Variants in PRKAG3 observed in about 807,000 individuals in gnomAD.
PRKAG3 encodes 5'-AMP-activated protein kinase subunit gamma-3.
Under a neutral mutation model 56.5 loss-of-function variants are expected in PRKAG3, and 39 were observed. The ratio of observed to expected loss-of-function variants is 0.69; its 90% CI spans 0.53 to 0.90. PRKAG3 has a LOEUF of 0.90. PRKAG3 is among the 40% of genes least tolerant of loss of function. The probability of loss-of-function intolerance (pLI) is 0.00; values close to 1 mark genes in which losing one functional copy is unlikely to be tolerated. For missense variants in PRKAG3, 628 were observed against 627.5 expected, an observed-to-expected ratio of 1.00 and a Z score of -0.01; for synonymous variants, 243 against 250.1, an observed-to-expected ratio of 0.97 and a Z score of 0.27.
At chr2:218,824,994 T>C (rs556536262) in intron 10 of PRKAG3, among the ~76,000 whole-genome samples, 5 of 152,258 alleles carry the variant, frequency 3.3e-5, no homozygotes, top group African/African-American at 4.8e-5. Flanking sequence ...GGAGCTGTTA[T>C]AGATTTAAAG....
At position 218,830,861 on chromosome 2, in the gene PRKAG3, T is replaced by C. The variant is rs765018083; in HGVS notation, c.114A>G (p.Pro38=). The stretch of plus-strand genomic sequence containing the variant: ...CTGAGCTGCTGGTCACAGCTGGTGA[T>C]GGCCATGAGCTGCTGTTTTCTTGCT... The change falls in exon 3 of 13, where the codon CCA becomes CCG. Residue 38 remains proline (P), a synonymous_variant. Coordinates refer to ENST00000529249, the Ensembl canonical transcript of PRKAG3. 2.5e-6 allele frequency: 4 copies of C among 1,613,796 alleles called. No homozygotes were observed. In the African/African-American group the frequency reaches 4.0e-5, roughly 16 times the overall value.
chr2:218,830,435 C>A, intron 3 of PRKAG3, 54 bp from the exon 4 acceptor site: 1 of 1,563,660 alleles, frequency 6.4e-7, no homozygotes, highest in South Asian at 1.2e-5. Flanking sequence ...AAAGCACGTT[C>A]TCATCTGCTG....
chr2:218,827,084 G>A lies in PRKAG3; in HGVS notation c.1012C>T (p.Leu338=). Reference sequence around the variant, plus strand: ...CGGTAGAGGAAGGAGGGCCGGGGCAGCAGGGAACCCTGGTTAGGATGGGGA... The same window carrying A: ...CGGTAGAGGAAGGAGGGCCGGGGCAACAGGGAACCCTGGTTAGGATGGGGA... The change falls in exon 10 of 13, where the codon CTG becomes TTG. Residue 338 remains leucine, a synonymous_variant. Transcript: ENST00000529249. This position sits in a 1 kb window ranked among gnomAD's most constrained non-coding sequence, Gnocchi z 5.3. The A allele has an allele frequency of 6.2e-7, 1 of 1,613,278 alleles. No individual in the cohort carries two copies. The highest frequency in any genetic ancestry group is 8.5e-7 in the Non-Finnish European group (1 of 1,180,030).
At chr2:218,825,194 G>C (rs1943914133) in intron 10 of PRKAG3, among the ~76,000 whole-genome samples, 2 of 152,040 alleles carry the variant, frequency 1.3e-5, no homozygotes, top group South Asian at 2.1e-4. Flanking sequence ...AAATTAGCCA[G>C]GTGTGATGGC....
Position 218,827,648 on chromosome 2 carries a change from T to G in PRKAG3, c.821-19A>C. On this transcript the variant is annotated intron_variant, in intron 7 of 12. Coordinates refer to ENST00000529249, the Ensembl canonical transcript of PRKAG3. This position sits in a 1 kb window ranked among gnomAD's most constrained non-coding sequence, Gnocchi z 5.3. ...TAGATCTCTGCAGAAAGAGCCAGAG[T>G]CAGGCCAGGGGAGCCGGTCACCTGC... The G allele has an allele frequency of 1.2e-6, 2 of 1,613,626 alleles. No individual in the cohort carries two copies. The highest frequency in any genetic ancestry group is 1.7e-6 in the Non-Finnish European group (2 of 1,179,764).
At position 218,829,982 on chromosome 2, in the gene PRKAG3, A is replaced by T. The variant is rs781389499; in HGVS notation, c.629T>A (p.Leu210Gln). ...TGGGCAGAGCCGTGGCCTCACCTCC[A>T]GCATGGTGTCGAAGATGACTAGCTT... The change falls in exon 4 of 13, where the codon CTG becomes CAG. Residue 210 changes from leucine to glutamine, a missense_variant. Transcript: ENST00000529249. 8.7e-6 allele frequency: 14 copies of T among 1,613,038 alleles called. No individual in the cohort carries two copies. The South Asian group carries it at 1.5e-4, about 18-fold the overall frequency.
intron 4 of PRKAG3, among the ~76,000 whole-genome samples, chr2:218,829,578 G>T (rs182405555): frequency 5.3e-5 from 8 of 151,724 alleles, no homozygotes; most frequent in Admixed American, 4.6e-4. Flanking sequence ...TGCCCACCTC[G>T]ACCTCCTAAA....
At position 218,827,013 on chromosome 2, in the gene PRKAG3, C is replaced by T. The variant is rs1943943129; in HGVS notation, c.1083G>A (p.Val361=). Residue 361 remains valine, a synonymous_variant, in exon 10 of 13, where the codon GTG becomes GTA. Transcript: ENST00000529249. This position sits in a 1 kb window ranked among gnomAD's most constrained non-coding sequence, Gnocchi z 5.3. ...TCAGGATGGGTGCTGTCTCCAGCAC[C>T]ACAGCCAAGTCTCGGAATGTGCCGA... 6.2e-7 allele frequency: 1 copy of T among 1,614,042 alleles called. No individual in the cohort carries two copies. Among genetic ancestry groups the T allele is most frequent in the African/African-American group, 1.3e-5 (1 of 74,934 alleles).
exon 10 of PRKAG3, chr2:218,826,990 A>G: frequency 6.2e-7 from 1 of 1,614,246 alleles, no homozygotes; most frequent in Non-Finnish European, 8.5e-7. Context: ...CAGTGCAGTC[A>G]GGATGGGTGC....
chr2:218,831,702 G>C, intron 1 of PRKAG3, 36 bp downstream of exon 1: 2 of 1,602,514 alleles, frequency 1.2e-6, no homozygotes, highest in Non-Finnish European at 1.7e-6. Flanking sequence ...TCTGGCCTCA[G>C]CTGCCCCGGC....
At chr2:218,823,704 G>A in exon 13 of PRKAG3, 1 of 1,611,118 alleles carries the variant, frequency 6.2e-7, no homozygotes. Context: ...GAGTTCTCCA[G>A]TTCCCTTCAT....
intron 10 of PRKAG3, among the ~76,000 whole-genome samples, chr2:218,826,294 T>G (rs553612164): frequency 1.3e-5 from 2 of 152,348 alleles, no homozygotes; most frequent in Non-Finnish European, 2.9e-5. Context: ...CTTCTTGATA[T>G]CTATCTTAAT....
chr2:218,823,627 G>A lies in PRKAG3; in HGVS notation c.*135C>T. 6.4e-7 allele frequency: 1 copy of A among 1,568,906 alleles called. No homozygotes were observed. Among genetic ancestry groups the A allele is most frequent in the East Asian group, 2.3e-5 (1 of 44,034 alleles). On this transcript the variant is annotated 3_prime_UTR_variant, in exon 13 of 13. Coordinates refer to ENST00000529249, the Ensembl canonical transcript of PRKAG3. ...AGGAAGACTAAGAGGCTGGTGTCAT[G>A]GCCCAGGGCAGAGCCTACCTGAATC...
exon 13 of PRKAG3, chr2:218,823,781 A>G: frequency 6.2e-7 from 1 of 1,614,126 alleles, no homozygotes; most frequent in Non-Finnish European, 8.5e-7. Flanking sequence ...GAGGGCATCG[A>G]TGCCAGCAGG....
At chr2:218,822,613 C>A (rs145858346), downstream of PRKAG3, 350 of 152,518 alleles carry the variant, frequency 2.3e-3, 3 homozygotes, top group Middle Eastern at 0.014. Flanking sequence ...TGGCTCACTG[C>A]GAGAGCTAAG....
intron 10 of PRKAG3, among the ~76,000 whole-genome samples, 194 bp from the exon 11 acceptor site, chr2:218,824,770 T>C (rs927407451): frequency 6.6e-6 from 1 of 152,166 alleles, no homozygotes; most frequent in African/African-American, 2.4e-5. Flanking sequence ...GTGAGTAACA[T>C]GGCACCACCT....
exon 1 of PRKAG3, chr2:218,831,761 C>A (rs775874370): frequency 6.2e-7 from 1 of 1,610,432 alleles, no homozygotes. Context: ...TGCTCCAGCC[C>A]GGGCTCCATG....
chr2:218,831,408 A>C, intron 1 of PRKAG3, 33 bp from the exon 2 acceptor site: 1 of 1,572,840 alleles, frequency 6.4e-7, no homozygotes, highest in African/African-American at 1.3e-5. Flanking sequence ...AGGAGTGGGG[A>C]AAGTGCCTTA....
At position 218,824,244 on chromosome 2, in the gene PRKAG3, A is replaced by T. The variant is rs375720814; in HGVS notation, c.1331T>A (p.Ile444Asn). ...TACCTGCTCCCGAGCAATCCTGTCG[A>T]TCACTTCCCCCAAGCTCTCGTGGGG... Residue 444 changes from isoleucine to asparagine, a missense_variant, in exon 12 of 13, where the codon ATC (isoleucine) becomes AAC (asparagine). Physicochemically the swap from Ile to Asn is moderately radical, Grantham distance 149 (BLOSUM62 -3). Transcript: ENST00000529249. 1.5e-5 allele frequency: 24 copies of T among 1,613,972 alleles called. No individual in the cohort carries two copies. The highest frequency in any genetic ancestry group is 1.9e-5 in the Non-Finnish European group (23 of 1,179,992).
Sources: allele counts gnomAD v4.1 joint callset (sites outside exome capture counted in the v4.1 genomes callset), GRCh38; gene constraint gnomAD v4.1.1; non-coding constraint Gnocchi (gnomAD v3.1); transcripts MANE v1.5; gene names NCBI Gene and HGNC (gene_info 2026-07-23, HGNC 2026-07-21).